CPAMD8: variants seen among roughly 807,000 people sequenced by gnomAD.
CPAMD8 encodes the protein C3 and PZP like alpha-2-macroglobulin domain containing 8.
Under a neutral mutation model 224.7 loss-of-function variants are expected in CPAMD8, and 146 were observed. That is an observed-to-expected ratio of 0.65 (90% confidence interval 0.57 to 0.75). The LOEUF is 0.75. Among genes scored for constraint, CPAMD8 ranks in the 30% least tolerant of loss-of-function variants. The probability of loss-of-function intolerance (pLI) is 0.00; values close to 1 mark genes in which losing one functional copy is unlikely to be tolerated. For missense variants in CPAMD8, 2,301 were observed against 2,537.5 expected (o/e 0.91, Z 2.00); for synonymous variants, 966 against 1,044.6 (o/e 0.92, Z 1.45).
intron 35 of CPAMD8, among the ~76,000 whole-genome samples, chr19:16,902,285 G>A (rs745560601): frequency 2.6e-4 from 40 of 152,118 alleles, no homozygotes; most frequent in Non-Finnish European, 4.9e-4. Context: ...GGGGGGCTGA[G>A]GCGGGCAGAT....
intron 12 of CPAMD8, among the ~76,000 whole-genome samples, chr19:16,992,004 C>T (rs1359601186): frequency 6.6e-6 from 1 of 152,172 alleles, no homozygotes; most frequent in Admixed American, 6.5e-5. Context: ...ACCTTTAGGA[C>T]ATGGTGCCCA....
At position 16,904,517 on chromosome 19, in the gene CPAMD8, C is replaced by G. The variant is rs755070021; in HGVS notation, c.4063G>C (p.Asp1355His). The G allele has an allele frequency of 1.9e-6, 3 of 1,614,092 alleles. No individual in the cohort carries two copies. In the South Asian group the frequency reaches 3.3e-5, roughly 18 times the overall value. Residue 1355 changes from aspartate to histidine, a missense_variant, in exon 31 of 42, where the codon GAC (aspartate) becomes CAC (histidine). Around this residue, in one of 4 missense-constraint regions of CPAMD8, gnomAD observed 1,709 missense variants for 1,753.2 expected, o/e 0.97. Coordinates refer to ENST00000443236, the MANE Select transcript of CPAMD8 (RefSeq NM_015692.5). ...VTHWSLSNSW[D>H]VDKGTFLSFS... is the part of the protein sequence containing the mutation. ...CTCAAGAATGTGCCCTTGTCCACGT[C>G]CCAGGAATTTGACAGGCTCCAGTGG...
chr19:17,009,102 A>C, intron 6 of CPAMD8: 1 of 780,388 alleles, frequency 1.3e-6, no homozygotes, highest in Non-Finnish European at 2.0e-6. Flanking sequence ...ATTTCAAAAA[A>C]AAAAAGGAAA....
chr19:16,984,836 C>T (rs958827564), intron 13 of CPAMD8, among the ~76,000 whole-genome samples: 2 of 152,192 alleles, frequency 1.3e-5, no homozygotes, highest in South Asian at 4.1e-4. Flanking sequence ...ATAGTGAAAC[C>T]CCTAAAAACC....
intron 22 of CPAMD8, among the ~76,000 whole-genome samples, chr19:16,940,499 G>T (rs899519391): frequency 1.3e-5 from 2 of 152,102 alleles, no homozygotes; most frequent in Non-Finnish European, 2.9e-5. Context: ...CCTTGTGACG[G>T]GGTTATCATG....
chr19:17,008,644 C>T, intron 6 of CPAMD8, 85 bp from the exon 7 acceptor site: 2 of 1,420,040 alleles, frequency 1.4e-6, no homozygotes, highest in South Asian at 1.2e-5. Flanking sequence ...TCCCAGTCCT[C>T]TCTCTTGGGC....
chr19:16,927,715 C>T (rs957436896), intron 25 of CPAMD8, among the ~76,000 whole-genome samples: 23 of 152,152 alleles, frequency 1.5e-4, no homozygotes, highest in Admixed American at 1.5e-3. Context: ...TAGGGGTCAC[C>T]CTACCCTGAC....
chr19:17,004,018 G>A (rs1358653321), intron 8 of CPAMD8, among the ~76,000 whole-genome samples: 1 of 151,536 alleles, frequency 6.6e-6, no homozygotes, highest in African/African-American at 2.4e-5. Context: ...TGATACTCCT[G>A]CCTCAGCCTC....
At chr19:16,987,165 AAAAAAAAAAAAAAAATATATATAT>A (rs1568565934) in intron 13 of CPAMD8, among the ~76,000 whole-genome samples, 2 of 97,634 alleles carry the variant, frequency 2.0e-5, no homozygotes, top group African/African-American at 9.1e-5. Flanking sequence ...AAAAAAAAAA[AAAAAAAAAAAAAAAATATATATAT>A]ATATATATAT....
At chr19:16,989,205 G>A (rs545604202) in intron 13 of CPAMD8, among the ~76,000 whole-genome samples, 9 of 152,184 alleles carry the variant, frequency 5.9e-5, no homozygotes, top group African/African-American at 9.6e-5. Context: ...CCCCGTGCCC[G>A]TGCCCCCGTC....
At chr19:16,921,107 G>T (rs2053158096) in intron 27 of CPAMD8, among the ~76,000 whole-genome samples, 1 of 152,080 alleles carries the variant, frequency 6.6e-6, no homozygotes, top group African/African-American at 2.4e-5. Flanking sequence ...GGCTGGGGGA[G>T]GCTGGGTGAG....
chr19:17,006,368 A>T (rs1348868575), intron 7 of CPAMD8, among the ~76,000 whole-genome samples: 3 of 152,094 alleles, frequency 2.0e-5, no homozygotes, highest in East Asian at 1.9e-4. Flanking sequence ...CCAAAAATTT[A>T]AAAAATTAGC....
chr19:17,026,197 C>T (rs1442880727), intron 1 of CPAMD8, among the ~76,000 whole-genome samples: 1 of 152,216 alleles, frequency 6.6e-6, no homozygotes, highest in African/African-American at 2.4e-5. Context: ...CGGGAAAGTG[C>T]CCCTTCGCAC....
intron 27 of CPAMD8, among the ~76,000 whole-genome samples, chr19:16,916,903 C>T (rs2052982535): frequency 6.6e-6 from 1 of 152,140 alleles, no homozygotes; most frequent in African/African-American, 2.4e-5. Flanking sequence ...CTCATCCCCA[C>T]CCCATTACCA....
intron 23 of CPAMD8, among the ~76,000 whole-genome samples, chr19:16,932,650 AC>A (rs144669032): frequency 0.034 from 5,233 of 152,266 alleles, 224 homozygotes; most frequent in African/African-American, 0.099. Context: ...ACCCAATCAG[AC>A]AAAAATAAAG....
intron 41 of CPAMD8, chr19:16,895,791 A>G (rs2051937314): frequency 4.7e-6 from 2 of 423,964 alleles, no homozygotes; most frequent in South Asian, 3.3e-5. Flanking sequence ...TTAGCTAACT[A>G]TATAATGCAA....
chr19:16,909,844 A>G (rs2144798822), intron 29 of CPAMD8, among the ~76,000 whole-genome samples: 1 of 152,214 alleles, frequency 6.6e-6, no homozygotes, highest in East Asian at 1.9e-4. Context: ...CCCACTGCTG[A>G]TCGGCACGGG....
chr19:17,020,927 CG>C (rs144171782), intron 2 of CPAMD8, among the ~76,000 whole-genome samples: 2,159 of 152,316 alleles, frequency 0.014, 55 homozygotes, highest in African/African-American at 0.049. Flanking sequence ...ACACAACGCA[CG>C]TGGCTCCCAA....
chr19:16,953,770 T>C (rs1411628581), intron 19 of CPAMD8, among the ~76,000 whole-genome samples: 1 of 151,898 alleles, frequency 6.6e-6, no homozygotes, highest in Non-Finnish European at 1.5e-5. Flanking sequence ...AGAGAACTCC[T>C]GAAACTCAAT....
Sources: gnomAD v4.1 joint callset for allele counts (sites outside exome capture counted in the v4.1 genomes callset) on GRCh38, gnomAD v4.1.1 for gene constraint, gnomAD v4.1.1 regional missense constraint, MANE v1.5 for transcripts, NCBI Gene and HGNC (gene_info 2026-07-23, HGNC 2026-07-21) for gene names.